The following ATRIP variants were observed in gnomAD, a reference collection of about 807,000 sequenced individuals.
ATRIP encodes the protein ATR interacting protein.
ATRIP carries 44 observed loss-of-function variants against 78.1 expected under a neutral mutation model. That is an observed-to-expected ratio of 0.56 (90% CI 0.44 to 0.72). The LOEUF (loss-of-function observed/expected upper bound fraction) is 0.72, where lower values mean the gene tolerates loss of function less well. ATRIP is among the 30% of genes least tolerant of loss of function. ATRIP has a pLI of 0.00. For synonymous variants in ATRIP, 388 were observed against 408.9 expected (o/e 0.95, Z 0.62); for missense variants, 927 against 980.2 (o/e 0.95, Z 0.72).
Position 48,460,198 on chromosome 3 carries a change from G to A in ATRIP, c.1144G>A (p.Ala382Thr). ...LSALREAQNL[A>T]FTGLNLVARN... ...AGCCCTGAGAGAAGCACAGAACCTGGCATTCACTGGACTGAATCTGGTTGC... is the reference window on the plus strand; with the variant it reads ...AGCCCTGAGAGAAGCACAGAACCTGACATTCACTGGACTGAATCTGGTTGC... Residue 382 changes from alanine (A) to threonine (T), a missense_variant, in exon 8 of 13, where the codon GCA becomes ACA. Transcript: ENST00000320211. 1 of 1,614,140 alleles carries A rather than the reference G, an allele frequency of 6.2e-7. No homozygotes were observed. Among genetic ancestry groups the A allele is most frequent in the Non-Finnish European group, 8.5e-7 (1 of 1,180,042 alleles).
intron 1 of ATRIP, among the ~76,000 whole-genome samples, chr3:48,449,413 CAAAAA>C (rs1297709851): frequency 1.7e-5 from 1 of 60,112 alleles, no homozygotes; most frequent in Non-Finnish European, 2.7e-5. Context: ...GACTCTGTCT[CAAAAA>C]AAAAAAAAAA....
chr3:48,450,609 T>G, intron 2 of ATRIP: 2 of 887,488 alleles, frequency 2.3e-6, no homozygotes, highest in Admixed American at 2.8e-5. Context: ...TTTTTTTTTT[T>G]GGAGATGGAG....
intron 12 of ATRIP, among the ~76,000 whole-genome samples, 197 bp from the exon 13 acceptor site, chr3:48,465,290 G>A (rs1456659631): frequency 6.6e-6 from 1 of 152,224 alleles, no homozygotes; most frequent in Non-Finnish European, 1.5e-5. Context: ...AGTGTGCCTG[G>A]CAGAGCCACG....
intron 1 of ATRIP, among the ~76,000 whole-genome samples, chr3:48,448,551 A>G (rs953499458): frequency 6.6e-6 from 1 of 152,256 alleles, no homozygotes; most frequent in Admixed American, 6.5e-5. Flanking sequence ...AATCCTTAAC[A>G]TGGCCTGAAA....
chr3:48,466,487 G>GA lies in ATRIP; in HGVS notation c.*937dup. ...CCTCACCCTCTCCAACTTCCTGCCT[G>GA]AAAATGGGCCCTGGAGCTCGCAGAC... On this transcript the variant is annotated 3_prime_UTR_variant, in exon 13 of 13. Transcript: ENST00000320211. 6.2e-7 allele frequency: 1 copy of GA among 1,614,014 alleles called. No homozygotes were observed. The highest frequency in any genetic ancestry group is 8.5e-7 in the Non-Finnish European group (1 of 1,180,022).
intron 1 of ATRIP, chr3:48,447,665 G>A (rs1345641871): frequency 3.8e-6 from 2 of 532,456 alleles, no homozygotes; most frequent in African/African-American, 2.1e-5. Context: ...TGAGGAGTGA[G>A]TGAAGTCTTG....
intron 3 of ATRIP, among the ~76,000 whole-genome samples, chr3:48,453,477 T>G (rs915667048): frequency 2.6e-5 from 4 of 152,218 alleles, no homozygotes; most frequent in African/African-American, 9.6e-5. Flanking sequence ...AGGTAATAAC[T>G]TAAGCTCCCT....
chr3:48,457,920 A>G (rs1391615694), intron 5 of ATRIP, among the ~76,000 whole-genome samples: 1 of 152,016 alleles, frequency 6.6e-6, no homozygotes, highest in Non-Finnish European at 1.5e-5. Flanking sequence ...CATGTGCACA[A>G]CGTGCAGGTG....
intron 5 of ATRIP, among the ~76,000 whole-genome samples, chr3:48,457,948 T>C (rs1211068385): frequency 6.6e-6 from 1 of 152,212 alleles, no homozygotes; most frequent in African/African-American, 2.4e-5. Context: ...TATGTATACA[T>C]GTGCCATGTT....
In ATRIP at chr3:48,466,646, G is replaced by A. The variant is rs564485570; in HGVS notation, c.*1092G>A. 41 of 1,613,766 alleles carry A rather than the reference G, an allele frequency of 2.5e-5. No homozygotes were observed. The highest frequency in any genetic ancestry group is 1.2e-4 in the African/African-American group (9 of 74,826). ...CCTCTCCAGGCTCAGCAGCAGGTAC[G>A]TACCCAACCATGGGCTCGCAGGCCC... On this transcript the variant is annotated 3_prime_UTR_variant, in exon 13 of 13. Transcript: ENST00000320211.
In ATRIP at chr3:48,467,218, G is replaced by A. The variant is rs1288696184; in HGVS notation, c.*1664G>A. On this transcript the variant is annotated 3_prime_UTR_variant, in exon 13 of 13. Coordinates refer to ENST00000320211, the MANE Select transcript of ATRIP (RefSeq NM_130384.3). ...GGCAGCATCTACACTCGCCTGTATG[G>A]GCAGTCCCCTCCAGACTCGCACACG... is the stretch of plus-strand genomic sequence containing the variant. 1 of 1,614,036 alleles carries A rather than the reference G, an allele frequency of 6.2e-7. No individual in the cohort carries two copies. The highest frequency in any genetic ancestry group is 8.5e-7 in the Non-Finnish European group (1 of 1,179,986).
chr3:48,450,362 A>C, intron 2 of ATRIP, 192 bp downstream of exon 2: 1 of 1,014,762 alleles, frequency 9.9e-7, no homozygotes, highest in Non-Finnish European at 1.4e-6. Context: ...CTAATGCCAA[A>C]GGCAAGAAGA....
intron 8 of ATRIP, among the ~76,000 whole-genome samples, chr3:48,461,744 G>T (rs1158757111): frequency 1.3e-5 from 2 of 152,012 alleles, no homozygotes; most frequent in Non-Finnish European, 2.9e-5. Flanking sequence ...TGCTCTTGTT[G>T]TCCAAGCTGG....
At chr3:48,451,516 CA>C (rs1008735877) in intron 2 of ATRIP, among the ~76,000 whole-genome samples, 1 of 152,182 alleles carries the variant, frequency 6.6e-6, no homozygotes, top group Non-Finnish European at 1.5e-5. Context: ...GCATGAGTGG[CA>C]AGTGTATGCT....
chr3:48,466,946 T>C lies in ATRIP; in HGVS notation c.*1392T>C, dbSNP rs1229434462. The C allele has an allele frequency of 6.2e-7, 1 of 1,611,760 alleles. No individual in the cohort carries two copies. The highest frequency in any genetic ancestry group is 1.7e-5 in the Admixed American group (1 of 60,018). On this transcript the variant is annotated 3_prime_UTR_variant, in exon 13 of 13. Transcript: ENST00000320211. ...CAGCTGTGCTGGCAGCGCATGGGCG[T>C]CAATGTTTTGATGACAACCTGGCCA...
Position 48,466,542 on chromosome 3 carries a change from A to G in ATRIP, c.*988A>G, listed in dbSNP as rs749418023. 40 of 1,613,644 alleles carry G rather than the reference A, an allele frequency of 2.5e-5. No homozygotes were observed. The highest frequency in any genetic ancestry group is 3.2e-5 in the Non-Finnish European group (38 of 1,179,952). ...CAGGATTGTGCAGGGAAGGCCTGAG[A>G]TGTGCTTCTGCCCACCCCCTACCCC... On this transcript the variant is annotated 3_prime_UTR_variant, in exon 13 of 13. Coordinates refer to ENST00000320211, the MANE Select transcript of ATRIP (RefSeq NM_130384.3).
intron 3 of ATRIP, among the ~76,000 whole-genome samples, chr3:48,453,421 A>G (rs1297806483): frequency 6.6e-6 from 1 of 152,154 alleles, no homozygotes; most frequent in African/African-American, 2.4e-5. Flanking sequence ...GGTCAGACAA[A>G]CCTGAATTTG....
chr3:48,449,959 A>T, intron 1 of ATRIP, 78 bp from the exon 2 acceptor site: 1 of 1,424,172 alleles, frequency 7.0e-7, no homozygotes, highest in African/African-American at 1.5e-5. Context: ...AAAAAAAAAA[A>T]GTGGGTATTT....
intron 5 of ATRIP, 90 bp downstream of exon 5, chr3:48,457,506 G>T (rs1424201943): frequency 2.8e-6 from 3 of 1,080,918 alleles, no homozygotes; most frequent in Non-Finnish European, 3.7e-6. Flanking sequence ...CAATTTCTGT[G>T]ATCAGCAATT....
Sources: allele counts gnomAD v4.1 joint callset (sites outside exome capture counted in the v4.1 genomes callset), GRCh38; gene constraint gnomAD v4.1.1; transcripts MANE v1.5; gene names NCBI Gene and HGNC (gene_info 2026-07-23, HGNC 2026-07-21).